Variants in OR6C75 observed in about 807,000 individuals in gnomAD.
OR6C75 encodes olfactory receptor family 6 subfamily C member 75, also known as olfactory receptor 6C75.
For synonymous variants in OR6C75, 149 were observed against 130.6 expected, an observed-to-expected ratio of 1.14 and a Z score of -0.96; for missense variants, 380 against 368.0, an observed-to-expected ratio of 1.03 and a Z score of -0.27.
chr12:55,365,882 A>G lies in OR6C75; in HGVS notation c.772A>G (p.Ile258Val). The G allele has an allele frequency of 2.5e-6, 4 of 1,614,012 alleles. No individual in the cohort carries two copies. Among genetic ancestry groups the G allele is most frequent in the Non-Finnish European group, 2.5e-6 (3 of 1,179,992 alleles). ...ISYSSCIFMY[I>V]KTSARERVTL... ...TTACAGTAGCTGTATCTTCATGTAC[A>G]TTAAGACTTCTGCCAGAGAAAGGGT... The change falls in exon 3 of 3, where the codon ATT becomes GTT. Residue 258 changes from isoleucine (I) to valine (V), a missense_variant. Coordinates refer to ENST00000641576, the MANE Select transcript of OR6C75 (RefSeq NM_001005497.2).
Position 55,366,275 on chromosome 12 carries a change from A to C in OR6C75, c.*226A>C, listed in dbSNP as rs1040999139. ...CACCTATGTAACTAAATTTTAGGTA[A>C]ATTAATAATTACTATGGTTTATTGA... is the stretch of plus-strand genomic sequence containing the variant. On this transcript the variant is annotated 3_prime_UTR_variant, in exon 3 of 3. Coordinates refer to ENST00000641576, the MANE Select transcript of OR6C75 (RefSeq NM_001005497.2). 37 of 381,042 alleles carry C rather than the reference A, an allele frequency of 9.7e-5. No individual in the cohort carries two copies. Among genetic ancestry groups the C allele is most frequent in the Non-Finnish European group, 1.5e-4 (32 of 212,522 alleles). The allele number at this position is 381,042 out of a possible 1,614,324, so 23.6% of individuals were successfully genotyped here. A position where few individuals can be genotyped will look rare whatever the true frequency, so the allele number is the denominator to read the frequency against.
At position 55,367,513 on chromosome 12, in the gene OR6C75, AGC is replaced by A. The variant is rs971814845; in HGVS notation, c.*1465_*1466del. ...AAGGAAAATAGCCCAAAATAATAAC[AGC>A]CATCTGTGACAGACCCACAGCCAAT... On this transcript the variant is annotated 3_prime_UTR_variant, in exon 3 of 3. Coordinates refer to ENST00000641576, the MANE Select transcript of OR6C75 (RefSeq NM_001005497.2). 1.2e-4 allele frequency: 19 copies of A among 152,262 alleles called. No homozygotes were observed. Among genetic ancestry groups the A allele is most frequent in the Admixed American group, 8.5e-4 (13 of 15,288 alleles). 9.4% of individuals were successfully genotyped at this position (152,262 alleles called of 1,614,324 possible).
rs1869793340 is a variant in OR6C75, at chr12:55,365,951, C to T, written c.841C>T (p.Pro281Ser). The change falls in exon 3 of 3, where the codon CCT becomes TCT. Residue 281 changes from proline (P) to serine (S), a missense_variant. By Grantham distance (74) the Pro-to-Ser change is moderately conservative (BLOSUM62 -1). Coordinates refer to ENST00000641576, the MANE Select transcript of OR6C75 (RefSeq NM_001005497.2). ...GVAVLNTSVA[P>S]LLNPFIYTLR... is the part of the protein sequence containing the mutation. Reference sequence around the variant, plus strand: ...AGCTGTGCTCAATACCTCAGTGGCTCCTCTCTTGAATCCCTTCATATACAC... The same window carrying T: ...AGCTGTGCTCAATACCTCAGTGGCTTCTCTCTTGAATCCCTTCATATACAC... 1.2e-6 allele frequency: 2 copies of T among 1,613,606 alleles called. No homozygotes were observed. Among genetic ancestry groups the T allele is most frequent in the Non-Finnish European group, 1.7e-6 (2 of 1,179,712 alleles).
intron 2 of OR6C75, among the ~76,000 whole-genome samples, 199 bp from the exon 3 acceptor site, chr12:55,364,677 T>C (rs960623193): frequency 1.3e-5 from 2 of 152,174 alleles, no homozygotes; most frequent in Admixed American, 1.3e-4. Flanking sequence ...AATCTTTCTA[T>C]ATGTGTATAT....
In OR6C75 at chr12:55,366,080, G is replaced by A. The variant is rs1754224224; in HGVS notation, c.*31G>A. ...ATTATGTAAAAAATGTACCCCCAAA[G>A]GCAAAGCTGAATGAAAAACTCTCTA... is the stretch of plus-strand genomic sequence containing the variant. On this transcript the variant is annotated 3_prime_UTR_variant, in exon 3 of 3. Coordinates refer to ENST00000641576, the MANE Select transcript of OR6C75 (RefSeq NM_001005497.2). 7.3e-7 allele frequency: 1 copy of A among 1,374,292 alleles called. No individual in the cohort carries two copies. Among genetic ancestry groups the A allele is most frequent in the Non-Finnish European group, 9.9e-7 (1 of 1,008,438 alleles). 85.1% of individuals were successfully genotyped at this position (1,374,292 alleles called of 1,614,324 possible). A position where few individuals can be genotyped will look rare whatever the true frequency, so the allele number is the denominator to read the frequency against.
intron 1 of OR6C75, among the ~76,000 whole-genome samples, chr12:55,363,263 A>G (rs1224707941): frequency 6.6e-6 from 1 of 152,180 alleles, no homozygotes; most frequent in South Asian, 2.1e-4. Context: ...TGTTTAAGCA[A>G]TGAATAAACC....
In OR6C75 at chr12:55,367,634, C is replaced by T. The variant is rs1162562039; in HGVS notation, c.*1585C>T. The T allele has an allele frequency of 6.6e-6, 1 of 152,070 alleles. No homozygotes were observed. Among genetic ancestry groups the T allele is most frequent in the Admixed American group, 6.6e-5 (1 of 15,260 alleles). The allele number at this position is 152,070 out of a possible 1,614,324, so 9.4% of individuals were successfully genotyped here. A position where few individuals can be genotyped will look rare whatever the true frequency, so the allele number is the denominator to read the frequency against. On this transcript the variant is annotated 3_prime_UTR_variant, in exon 3 of 3. Coordinates refer to ENST00000641576, the MANE Select transcript of OR6C75 (RefSeq NM_001005497.2). Reference sequence around the variant, plus strand: ...CTCAGCACTCCTATTCAACATAGTACTGAAAGCCCTAGCCAGAGCAATCAG... The same window carrying T: ...CTCAGCACTCCTATTCAACATAGTATTGAAAGCCCTAGCCAGAGCAATCAG...
Position 55,368,871 on chromosome 12 carries a change from T to A in OR6C75, c.*2822T>A, listed in dbSNP as rs915727520. On this transcript the variant is annotated 3_prime_UTR_variant, in exon 3 of 3. Transcript: ENST00000641576. ...CATTGTGTTTTATGGAATGGCATAC[T>A]TTTTTTTAAAACAGATTATAATATA... is the stretch of plus-strand genomic sequence containing the variant. The A allele has an allele frequency of 6.6e-6, 1 of 151,926 alleles. No homozygotes were observed. Among genetic ancestry groups the A allele is most frequent in the African/African-American group, 2.4e-5 (1 of 41,380 alleles). 9.4% of individuals were successfully genotyped at this position (151,926 alleles called of 1,614,324 possible). A position where few individuals can be genotyped will look rare whatever the true frequency, so the allele number is the denominator to read the frequency against.
chr12:55,365,269 G>T lies in OR6C75; in HGVS notation c.159G>T (p.Leu53=). The T allele has an allele frequency of 3.1e-6, 5 of 1,613,332 alleles. No individual in the cohort carries two copies. The highest frequency in any genetic ancestry group is 4.2e-6 in the Non-Finnish European group (5 of 1,179,690). ...IITLTLSDPH[L]QTPMYFFLRN... ...CCCTCACCCTTTCAGATCCCCATCT[G>T]CAGACTCCCATGTATTTCTTCCTTC... Residue 53 remains leucine, a synonymous_variant, in exon 3 of 3, where the codon CTG becomes CTT. Transcript: ENST00000641576.
intron 1 of OR6C75, among the ~76,000 whole-genome samples, chr12:55,363,574 A>C (rs1042779381): frequency 1.2e-4 from 18 of 152,176 alleles, no homozygotes; most frequent in Admixed American, 1.2e-3. Context: ...TAAAAATTTG[A>C]ATGAGGATGG....
rs2120551169 is a variant in OR6C75, at chr12:55,367,702, AG to A, written c.*1654del. On this transcript the variant is annotated 3_prime_UTR_variant, in exon 3 of 3. Coordinates refer to ENST00000641576, the MANE Select transcript of OR6C75 (RefSeq NM_001005497.2). Reference sequence around the variant, plus strand: ...AAGGCATCCAAATAGGAAAAGAAGAAGTCAAATTATCTCCGTTTACTGAAAA... The same window carrying A: ...AAGGCATCCAAATAGGAAAAGAAGAATCAAATTATCTCCGTTTACTGAAAA... The A allele has an allele frequency of 6.6e-6, 1 of 152,314 alleles. No individual in the cohort carries two copies. The highest frequency in any genetic ancestry group is 6.5e-5 in the Admixed American group (1 of 15,296). 9.4% of individuals were successfully genotyped at this position (152,314 alleles called of 1,614,324 possible). A position where few individuals can be genotyped will look rare whatever the true frequency, so the allele number is the denominator to read the frequency against.
At position 55,364,488 on chromosome 12, in the gene OR6C75, G is replaced by A. The variant is rs117206156; in HGVS notation, c.-235-388G>A. Among the ~76,000 whole-genome samples the A allele has an allele frequency of 3.8e-3, 566 of 149,242 alleles. 24 individuals carry two copies. The East Asian group carries it at 0.086, about 23-fold the overall frequency. ...TTACAAGCCCCTGCCACCACACCCC[G>A]CTAATTGTTTGTATTTTTAGTAGAG... On this transcript the variant is annotated intron_variant, in intron 2 of 2. Coordinates refer to ENST00000641576, the MANE Select transcript of OR6C75 (RefSeq NM_001005497.2).
At position 55,367,993 on chromosome 12, in the gene OR6C75, T is replaced by C. The variant is rs1395718498; in HGVS notation, c.*1944T>C. 2 of 151,816 alleles carry C rather than the reference T, an allele frequency of 1.3e-5. No homozygotes were observed. Among genetic ancestry groups the C allele is most frequent in the African/African-American group, 2.4e-5 (1 of 41,292 alleles). 9.4% of individuals were successfully genotyped at this position (151,816 alleles called of 1,614,324 possible). ...AAGTTTAAGACCAGCCTTGGCAACA[T>C]AGTGAGACTCTGTCTACACAAAAAA... On this transcript the variant is annotated 3_prime_UTR_variant, in exon 3 of 3. Transcript: ENST00000641576.
chr12:55,365,235 T>G lies in OR6C75; in HGVS notation c.125T>G (p.Ile42Ser). Residue 42 changes from isoleucine to serine, a missense_variant, in exon 3 of 3, where the codon ATC becomes AGC. Transcript: ENST00000641576. ...ATGTTAAGTGTGACTGGGAACCTGA[T>G]CATTATCACCCTCACCCTTTCAGAT... ...TYMLSVTGNLIIITLTLSDPH... is the reference protein window; with the variant it reads ...TYMLSVTGNLSIITLTLSDPH... 2 of 1,612,624 alleles carry G rather than the reference T, an allele frequency of 1.2e-6. No homozygotes were observed. Among genetic ancestry groups the G allele is most frequent in the Non-Finnish European group, 8.5e-7 (1 of 1,179,506 alleles).
chr12:55,365,131 A>G lies in OR6C75; in HGVS notation c.21A>G (p.Val7=), dbSNP rs1869763913. MRNSTA[V]TDFILLGLTS... is the part of the protein sequence containing the mutation. ...AAATAATGAGAAATTCCACAGCAGT[A>G]ACAGACTTTATTCTTCTTGGATTGA... Residue 7 remains valine (V), a synonymous_variant, in exon 3 of 3, where the codon GTA becomes GTG. Transcript: ENST00000641576. The G allele has an allele frequency of 1.9e-6, 3 of 1,611,262 alleles. No individual in the cohort carries two copies. Among genetic ancestry groups the G allele is most frequent in the Non-Finnish European group, 2.5e-6 (3 of 1,178,858 alleles).
Position 55,365,942 on chromosome 12 carries a change from T to G in OR6C75, c.832T>G (p.Ser278Ala). Residue 278 changes from serine to alanine, a missense_variant, in exon 3 of 3, where the codon TCA (serine) becomes GCA (alanine). Physicochemically the swap from Ser to Ala is moderately conservative, Grantham distance 99. Coordinates refer to ENST00000641576, the MANE Select transcript of OR6C75 (RefSeq NM_001005497.2). ...LSKGVAVLNTSVAPLLNPFIY... is the reference protein window; with the variant it reads ...LSKGVAVLNTAVAPLLNPFIY... The stretch of plus-strand genomic sequence containing the variant: ...CAAAGGAGTAGCTGTGCTCAATACC[T>G]CAGTGGCTCCTCTCTTGAATCCCTT... 2.5e-6 allele frequency: 4 copies of G among 1,613,644 alleles called. No individual in the cohort carries two copies. Among genetic ancestry groups the G allele is most frequent in the Non-Finnish European group, 3.4e-6 (4 of 1,179,628 alleles).
At position 55,365,490 on chromosome 12, in the gene OR6C75, C is replaced by G. The variant is rs756636235; in HGVS notation, c.380C>G (p.Pro127Arg). 2.5e-6 allele frequency: 4 copies of G among 1,613,868 alleles called. No individual in the cohort carries two copies. Among genetic ancestry groups the G allele is most frequent in the Non-Finnish European group, 3.4e-6 (4 of 1,179,988 alleles). The change falls in exon 3 of 3, where the codon CCT becomes CGT. Residue 127 changes from proline (P) to arginine (R), a missense_variant. Physicochemically the swap from Pro to Arg is moderately radical, Grantham distance 103. Transcript: ENST00000641576. ...SYDRCMAICK[P>R]LHYTIIMSTR... is the part of the protein sequence containing the mutation. ...GACCGCTGCATGGCCATCTGCAAAC[C>G]TCTTCATTACACAATCATCATGAGC...
At position 55,365,763 on chromosome 12, in the gene OR6C75, A is replaced by G. The variant is rs758638737; in HGVS notation, c.653A>G (p.Asn218Ser). 1 of 1,613,922 alleles carries G rather than the reference A, an allele frequency of 6.2e-7. No homozygotes were observed. The highest frequency in any genetic ancestry group is 2.2e-5 in the East Asian group (1 of 44,868). Residue 218 changes from asparagine (N) to serine (S), a missense_variant, in exon 3 of 3, where the codon AAC (asparagine) becomes AGC (serine). Transcript: ENST00000641576. ...ACATTAGTTATTCTCTCCTACACAA[A>G]CATCATCCGGACAATTCTGAAAATT... ...TLTLVILSYT[N>S]IIRTILKIPS... is the part of the protein sequence containing the mutation.
Position 55,365,055 on chromosome 12 carries a change from G to A in OR6C75, c.-56G>A. 8.2e-7 allele frequency: 1 copy of A among 1,215,388 alleles called. No homozygotes were observed. Among genetic ancestry groups the A allele is most frequent in the Non-Finnish European group, 1.2e-6 (1 of 854,494 alleles). The allele number at this position is 1,215,388 out of a possible 1,614,324, so 75.3% of individuals were successfully genotyped here. A position where few individuals can be genotyped will look rare whatever the true frequency, so the allele number is the denominator to read the frequency against. Reference sequence around the variant, plus strand: ...TCTTTACTGGTGTCATAGTTTTCTGGTTTCTTCACCTATTTTACAGCGAAA... The same window carrying A: ...TCTTTACTGGTGTCATAGTTTTCTGATTTCTTCACCTATTTTACAGCGAAA... On this transcript the variant is annotated 5_prime_UTR_variant, in exon 3 of 3. Transcript: ENST00000641576.
Sources: gnomAD v4.1 joint callset for allele counts (sites outside exome capture counted in the v4.1 genomes callset) on GRCh38, gnomAD v4.1.1 for gene constraint, MANE v1.5 for transcripts, NCBI Gene and HGNC (gene_info 2026-07-23, HGNC 2026-07-21) for gene names.